The following ATP8A2 variants were observed in gnomAD, a reference collection of about 807,000 sequenced individuals.
ATP8A2 encodes the protein ATPase phospholipid transporting 8A2.
In ATP8A2, 100 loss-of-function variants were observed where a neutral mutation model predicts 165.6. That is an observed-to-expected ratio of 0.60 (90% confidence interval 0.51 to 0.71). The LOEUF (loss-of-function observed/expected upper bound fraction) is 0.71. ATP8A2 is among the 30% of genes least tolerant of loss of function. The pLI is 0.00. For synonymous variants in ATP8A2, 543 were observed against 548.8 expected, an observed-to-expected ratio of 0.99 and a Z score of 0.15; for missense variants, 1,227 against 1,479.5, an observed-to-expected ratio of 0.83 and a Z score of 2.80.
At chr13:25,923,134 C>T (rs929682542) in intron 33 of ATP8A2, among the ~76,000 whole-genome samples, 4 of 152,234 alleles carry the variant, frequency 2.6e-5, no homozygotes, top group East Asian at 3.9e-4. Context: ...GAAATAGTGG[C>T]CCTCCTCACA....
At chr13:25,667,544 C>G (rs1465046974) in intron 24 of ATP8A2, among the ~76,000 whole-genome samples, 5 of 152,154 alleles carry the variant, frequency 3.3e-5, no homozygotes, top group Non-Finnish European at 7.3e-5. Flanking sequence ...TTCCCACTCT[C>G]CATCTCATGT....
At chr13:25,623,403 G>A (rs147948931) in intron 24 of ATP8A2, among the ~76,000 whole-genome samples, 1 of 151,660 alleles carries the variant, frequency 6.6e-6, no homozygotes, top group African/African-American at 2.4e-5. Context: ...CTCCACAATA[G>A]CAACAACAAA....
intron 1 of ATP8A2, among the ~76,000 whole-genome samples, chr13:25,459,947 A>C (rs2035461531): frequency 6.6e-6 from 1 of 152,154 alleles, no homozygotes. Flanking sequence ...CACGCCTGTA[A>C]TCCCAGCACT....
intron 35 of ATP8A2, among the ~76,000 whole-genome samples, chr13:25,997,806 G>A (rs972584375): frequency 4.0e-5 from 6 of 151,710 alleles, no homozygotes; most frequent in South Asian, 2.1e-4. Flanking sequence ...TCTTGGCTGC[G>A]GCTTTCTATT....
intron 25 of ATP8A2, among the ~76,000 whole-genome samples, chr13:25,755,554 T>A (rs1446792694): frequency 6.6e-6 from 1 of 152,222 alleles, no homozygotes; most frequent in Admixed American, 6.5e-5. Flanking sequence ...GTGTTATTCA[T>A]ATTCAGTGAG....
intron 33 of ATP8A2, among the ~76,000 whole-genome samples, chr13:25,869,527 C>A (rs188226082): frequency 3.3e-5 from 5 of 152,268 alleles, no homozygotes; most frequent in African/African-American, 9.6e-5. Context: ...GAAGCTAATT[C>A]TATTGTCTGT....
At chr13:25,405,536 T>C (rs17082222) in intron 1 of ATP8A2, among the ~76,000 whole-genome samples, 37,605 of 151,852 alleles carry the variant, frequency 0.25, 4,921 homozygotes, top group East Asian at 0.46. Flanking sequence ...CTCCTTGGGG[T>C]ACTCCCAGCG....
At chr13:25,842,629 G>T (rs1165373227) in intron 30 of ATP8A2, among the ~76,000 whole-genome samples, 2 of 150,936 alleles carry the variant, frequency 1.3e-5, no homozygotes, top group East Asian at 3.9e-4. Flanking sequence ...CCAAGATCGT[G>T]CCACTGCACT....
At chr13:25,522,872 C>T (rs889435049) in intron 2 of ATP8A2, among the ~76,000 whole-genome samples, 1 of 152,016 alleles carries the variant, frequency 6.6e-6, no homozygotes, top group South Asian at 2.1e-4. Flanking sequence ...GCCTGTAATC[C>T]CAGCACTTTG....
chr13:25,606,904 G>A (rs1263956339), intron 24 of ATP8A2, among the ~76,000 whole-genome samples: 2 of 152,120 alleles, frequency 1.3e-5, no homozygotes. Flanking sequence ...GCAGCAGAGT[G>A]TAGATAATTT....
chr13:25,712,998 A>G (rs1481725972), intron 25 of ATP8A2, among the ~76,000 whole-genome samples: 3 of 152,232 alleles, frequency 2.0e-5, no homozygotes, highest in Non-Finnish European at 4.4e-5. Context: ...TTAGTTTACT[A>G]TACCATGTCT....
intron 7 of ATP8A2, among the ~76,000 whole-genome samples, chr13:25,539,943 G>C (rs909040233): frequency 1.3e-5 from 2 of 152,140 alleles, no homozygotes; most frequent in African/African-American, 4.8e-5. Flanking sequence ...GCCATGCCTT[G>C]GGCAGCCTTT....
intron 1 of ATP8A2, among the ~76,000 whole-genome samples, chr13:25,456,790 G>A (rs1266691072): frequency 6.6e-6 from 1 of 152,142 alleles, no homozygotes; most frequent in Non-Finnish European, 1.5e-5. Flanking sequence ...CAGAATTTAT[G>A]GTGACGGAAT....
chr13:25,742,521 C>T (rs1013982135), intron 25 of ATP8A2, among the ~76,000 whole-genome samples: 6 of 151,964 alleles, frequency 3.9e-5, no homozygotes, highest in African/African-American at 1.5e-4. Context: ...TTTCTACTTC[C>T]TCCCCCTCAT....
intron 33 of ATP8A2, chr13:25,863,280 C>T (rs943365728): frequency 3.9e-5 from 6 of 152,390 alleles, no homozygotes; most frequent in African/African-American, 1.4e-4. Flanking sequence ...CAGAGTCCAT[C>T]TTCCCACTTG....
chr13:25,976,203 A>G (rs922681181), intron 35 of ATP8A2, among the ~76,000 whole-genome samples: 5 of 152,156 alleles, frequency 3.3e-5, no homozygotes, highest in African/African-American at 1.2e-4. Flanking sequence ...AGCTGGGATT[A>G]CAGGGATGTG....
intron 35 of ATP8A2, among the ~76,000 whole-genome samples, chr13:25,994,207 G>T (rs928444016): frequency 6.6e-6 from 1 of 151,946 alleles, no homozygotes; most frequent in Non-Finnish European, 1.5e-5. Flanking sequence ...TTGATGAACT[G>T]ACTTATTAGT....
intron 24 of ATP8A2, among the ~76,000 whole-genome samples, chr13:25,639,824 T>C (rs145747925): frequency 0.015 from 2,323 of 152,198 alleles, 59 homozygotes; most frequent in African/African-American, 0.052. Flanking sequence ...CACATTACAC[T>C]TATTCCAAAA....
chr13:25,409,968 A>G (rs2033918854), intron 1 of ATP8A2, among the ~76,000 whole-genome samples: 2 of 150,816 alleles, frequency 1.3e-5, no homozygotes, highest in South Asian at 2.1e-4. Context: ...AGAAATATGT[A>G]TGTGTATGTA....
Sources: gnomAD v4.1 joint callset for allele counts (sites outside exome capture counted in the v4.1 genomes callset) on GRCh38, gnomAD v4.1.1 for gene constraint, MANE v1.5 for transcripts, NCBI Gene and HGNC (gene_info 2026-07-23, HGNC 2026-07-21) for gene names.